Variants in PDZRN3 observed in about 807,000 individuals in gnomAD.
The protein encoded by PDZRN3 is PDZ domain containing ring finger 3.
A neutral mutation model predicts 85.7 loss-of-function variants in PDZRN3; 38 were observed. The ratio of observed to expected loss-of-function variants is 0.44; its 90% CI spans 0.34 to 0.58. The LOEUF (loss-of-function observed/expected upper bound fraction) is 0.58, where lower values mean the gene tolerates loss of function less well. PDZRN3 is among the 20% of genes least tolerant of loss of function. The pLI, the probability that PDZRN3 is intolerant of heterozygous loss-of-function variation, is 0.01. For synonymous variants in PDZRN3, 759 were observed against 638.0 expected, an observed-to-expected ratio of 1.19 and a Z score of -2.86; for missense variants, 1,629 against 1,506.4, an observed-to-expected ratio of 1.08 and a Z score of -1.35.
At chr3:73,527,691 TCTAA>T (rs1042485907) in intron 3 of PDZRN3, among the ~76,000 whole-genome samples, 5 of 152,020 alleles carry the variant, frequency 3.3e-5, no homozygotes, top group African/African-American at 1.2e-4. Context: ...TTTAAAGTGG[TCTAA>T]CTAATTACGA....
intron 3 of PDZRN3, among the ~76,000 whole-genome samples, chr3:73,521,658 T>C (rs558632861): frequency 6.3e-4 from 96 of 152,274 alleles, no homozygotes; most frequent in African/African-American, 2.3e-3. Context: ...GTCTAAAGCA[T>C]TTTGCATACT....
chr3:73,423,005 C>T (rs1702234021), intron 3 of PDZRN3, among the ~76,000 whole-genome samples: 1 of 152,098 alleles, frequency 6.6e-6, no homozygotes, highest in African/African-American at 2.4e-5. Flanking sequence ...TTAGCTGCAA[C>T]ATATAGTAAC....
At chr3:73,606,164 C>T (rs1335020901) in intron 2 of PDZRN3, among the ~76,000 whole-genome samples, 1 of 152,226 alleles carries the variant, frequency 6.6e-6, no homozygotes, top group Non-Finnish European at 1.5e-5. Flanking sequence ...AATAGGTCTT[C>T]TTGGTTTGGG....
Position 73,383,638 on chromosome 3 carries a change from C to T in PDZRN3, c.2928G>A (p.Glu976=). Residue 976 remains glutamate (E), a synonymous_variant, in exon 10 of 10, where the codon GAG becomes GAA. Coordinates refer to ENST00000263666, the MANE Select transcript of PDZRN3 (RefSeq NM_015009.3). The part of the protein sequence containing the change: ...EMKMGRYWSK[E]ERKQHLVKAK... ...CCTTCACCAGGTGCTGCTTCCTCTC[C>T]TCCTTGCTCCAGTAGCGCCCCATCT... 6.2e-7 allele frequency: 1 copy of T among 1,613,670 alleles called. No homozygotes were observed. Among genetic ancestry groups the T allele is most frequent in the Non-Finnish European group, 8.5e-7 (1 of 1,180,038 alleles).
At chr3:73,590,577 T>C (rs1702343807) in intron 3 of PDZRN3, among the ~76,000 whole-genome samples, 1 of 152,080 alleles carries the variant, frequency 6.6e-6, no homozygotes, top group Non-Finnish European at 1.5e-5. Context: ...AAAAAGAAAG[T>C]AGTTCTTTTT....
In PDZRN3 at chr3:73,519,477, T is replaced by A. The variant is rs190815491; in HGVS notation, c.918+82877A>T. 5.3e-4 allele frequency among the ~76,000 whole-genome samples: 81 copies of A among 152,372 alleles called. 1 individual carries two copies. Among genetic ancestry groups the A allele is most frequent in the African/African-American group, 1.9e-3 (79 of 41,584 alleles). On this transcript the variant is annotated intron_variant, in intron 3 of 9. Coordinates refer to ENST00000263666, the MANE Select transcript of PDZRN3 (RefSeq NM_015009.3). Reference sequence around the variant, plus strand: ...AGAAAGAAGGAACTTTAGACTAATCTGTACTGTTTCAAGTTCTTCCACAAG... The same window carrying A: ...AGAAAGAAGGAACTTTAGACTAATCAGTACTGTTTCAAGTTCTTCCACAAG...
intron 3 of PDZRN3, among the ~76,000 whole-genome samples, chr3:73,553,598 T>C (rs903298556): frequency 2.0e-5 from 3 of 150,168 alleles, no homozygotes; most frequent in Admixed American, 6.7e-5. Flanking sequence ...AAAAGAACTA[T>C]TATCCCCATT....
At chr3:73,537,786 A>T (rs1198226479) in intron 3 of PDZRN3, among the ~76,000 whole-genome samples, 201 of 137,258 alleles carry the variant, frequency 1.5e-3, no homozygotes, top group African/African-American at 4.0e-3. Flanking sequence ...CACCCGGCTA[A>T]TTTTTTTTTT....
chr3:73,400,864 T>C, intron 5 of PDZRN3, 58 bp downstream of exon 5: 2 of 1,190,074 alleles, frequency 1.7e-6, no homozygotes, highest in South Asian at 2.4e-5. Flanking sequence ...GAGAACTTAT[T>C]AGGCATTCTG....
chr3:73,611,637 G>T (rs1702686961), intron 1 of PDZRN3, among the ~76,000 whole-genome samples: 1 of 152,196 alleles, frequency 6.6e-6, no homozygotes, highest in Non-Finnish European at 1.5e-5. Flanking sequence ...AAAATGTTCA[G>T]TCTGGGCTGA....
chr3:73,428,962 C>T (rs1112012), intron 3 of PDZRN3, among the ~76,000 whole-genome samples: 65,003 of 151,772 alleles, frequency 0.43, 14,516 homozygotes, highest in East Asian at 0.78. Flanking sequence ...GCAGTGGCAC[C>T]AGCATAGTTC....
intron 3 of PDZRN3, among the ~76,000 whole-genome samples, chr3:73,465,483 C>T (rs1276265918): frequency 2.0e-5 from 3 of 152,114 alleles, no homozygotes; most frequent in African/African-American, 4.8e-5. Context: ...AATGAACAAA[C>T]AAAACAAAAT....
At position 73,624,649 on chromosome 3, in the gene PDZRN3, G is replaced by T; in HGVS notation, c.177C>A (p.Arg59=). The T allele has an allele frequency of 6.5e-7, 1 of 1,542,922 alleles. No individual in the cohort carries two copies. The change falls in exon 1 of 10, where the codon CGC becomes CGA. Residue 59 remains arginine (R), a synonymous_variant. Transcript: ENST00000263666. ...EGSCPARCRG[R]LSAKELNHVL... ...CGTGGTTGAGCTCTTTGGCCGACAG[G>T]CGACCGCGGCAGCGCGCCGGGCAGC...
chr3:73,592,903 T>C (rs1702379497), intron 3 of PDZRN3, among the ~76,000 whole-genome samples: 1 of 152,210 alleles, frequency 6.6e-6, no homozygotes, highest in South Asian at 2.1e-4. Flanking sequence ...CTATAGGCAC[T>C]GTGCTTAGTT....
chr3:73,549,583 A>C (rs553553911), intron 3 of PDZRN3, among the ~76,000 whole-genome samples: 1 of 152,344 alleles, frequency 6.6e-6, no homozygotes, highest in South Asian at 2.1e-4. Context: ...CAAACATTTC[A>C]TAAAGGGTTT....
chr3:73,456,281 A>T lies in PDZRN3; in HGVS notation c.919-51886T>A, dbSNP rs546368568. Among the ~76,000 whole-genome samples the T allele has an allele frequency of 1.6e-4, 25 of 152,266 alleles. 2 individuals carry two copies. In the South Asian group the frequency reaches 3.9e-3, roughly 24 times the overall value. On this transcript the variant is annotated intron_variant, in intron 3 of 9. Transcript: ENST00000263666. ...CCTTCTGTGGAATAATTAAGGTCAGATGGTGAAACTTTCCTAGAGTTGGCA... is the reference window on the plus strand; with the variant it reads ...CCTTCTGTGGAATAATTAAGGTCAGTTGGTGAAACTTTCCTAGAGTTGGCA...
At chr3:73,517,733 T>C (rs1396987332) in intron 3 of PDZRN3, among the ~76,000 whole-genome samples, 1 of 152,250 alleles carries the variant, frequency 6.6e-6, no homozygotes, top group Non-Finnish European at 1.5e-5. Context: ...ATGTAGAGTT[T>C]CTGTAATGTA....
At chr3:73,609,418 G>T (rs1024115748) in intron 1 of PDZRN3, among the ~76,000 whole-genome samples, 1 of 152,192 alleles carries the variant, frequency 6.6e-6, no homozygotes, top group African/African-American at 2.4e-5. Flanking sequence ...ATGCCAGGGA[G>T]AGTGTTCTCA....
At chr3:73,619,166 A>T (rs1288462071) in intron 1 of PDZRN3, among the ~76,000 whole-genome samples, 1 of 152,156 alleles carries the variant, frequency 6.6e-6, no homozygotes, top group Non-Finnish European at 1.5e-5. Context: ...TCACGGAGAA[A>T]CTCATTCTTT....
Sources: allele counts gnomAD v4.1 joint callset (sites outside exome capture counted in the v4.1 genomes callset), GRCh38; gene constraint gnomAD v4.1.1; transcripts MANE v1.5; gene names NCBI Gene and HGNC (gene_info 2026-07-23, HGNC 2026-07-21).